The following DPY19L4 variants were observed in gnomAD, a reference collection of about 807,000 sequenced individuals.
DPY19L4 encodes the protein probable C-mannosyltransferase DPY19L4.
DPY19L4 carries 97 observed loss-of-function variants against 102.8 expected under a neutral mutation model. That is an observed-to-expected ratio of 0.94 (90% CI 0.80 to 1.12). The LOEUF is 1.12. Ranked by LOEUF, DPY19L4 falls within the 50% of genes most tolerant of loss-of-function variation. The pLI is 0.00. For synonymous variants in DPY19L4, 252 were observed against 283.1 expected, an observed-to-expected ratio of 0.89 and a Z score of 1.10; for missense variants, 815 against 850.4, an observed-to-expected ratio of 0.96 and a Z score of 0.52.
intron 3 of DPY19L4, among the ~76,000 whole-genome samples, chr8:94,737,622 A>C (rs934092439): frequency 1.3e-5 from 2 of 151,840 alleles, no homozygotes; most frequent in African/African-American, 4.8e-5. Context: ...TCTCTACTAA[A>C]AACACAAAAA....
intron 6 of DPY19L4, among the ~76,000 whole-genome samples, chr8:94,741,909 C>T (rs1811462311): frequency 6.6e-6 from 1 of 152,206 alleles, no homozygotes. Flanking sequence ...AAAATCCAGT[C>T]TGGCAACTAG....
At chr8:94,725,026 G>A (rs1000953131) in intron 1 of DPY19L4, among the ~76,000 whole-genome samples, 1 of 151,402 alleles carries the variant, frequency 6.6e-6, no homozygotes, top group African/African-American at 2.4e-5. Context: ...TTATCACTAT[G>A]CCAGTGTTTA....
At chr8:94,773,787 G>A (rs556247402) in intron 13 of DPY19L4, among the ~76,000 whole-genome samples, 90 of 148,864 alleles carry the variant, frequency 6.0e-4, no homozygotes, top group African/African-American at 2.1e-3. Context: ...TATAATCCCA[G>A]CAATTTGGGA....
chr8:94,783,848 T>C (rs755514144), intron 17 of DPY19L4, 46 bp downstream of exon 17: 2 of 1,605,624 alleles, frequency 1.2e-6, no homozygotes, highest in East Asian at 4.5e-5. Context: ...TCCAGCACTT[T>C]GTATTTTAGC....
intron 14 of DPY19L4, among the ~76,000 whole-genome samples, 186 bp downstream of exon 14, chr8:94,777,972 T>C (rs1484456366): frequency 6.6e-6 from 1 of 152,214 alleles, no homozygotes; most frequent in Non-Finnish European, 1.5e-5. Context: ...GGCTCACGCT[T>C]GTAATCCAAG....
At chr8:94,756,567 C>T (rs577449168) in intron 7 of DPY19L4, among the ~76,000 whole-genome samples, 2 of 152,244 alleles carry the variant, frequency 1.3e-5, no homozygotes, top group South Asian at 4.1e-4. Flanking sequence ...GGCAGCACTG[C>T]GTATTCTGTT....
intron 13 of DPY19L4, among the ~76,000 whole-genome samples, chr8:94,771,291 T>C (rs1262173638): frequency 6.6e-6 from 1 of 152,252 alleles, no homozygotes; most frequent in Non-Finnish European, 1.5e-5. Context: ...ACTCAAAACC[T>C]ATAAACTTTC....
Position 94,740,771 on chromosome 8 carries a change from T to A in DPY19L4, c.611+981T>A, listed in dbSNP as rs75621385. 3.0e-3 allele frequency among the ~76,000 whole-genome samples: 457 copies of A among 152,278 alleles called. 8 individuals carry two copies. The highest frequency in any genetic ancestry group is 0.02 in the Admixed American group (311 of 15,288). ...CGCCCGGCTGCAATACTGTTTTTTT[T>A]ATGCTGCTTTCTCTATTCAACTGTC... On this transcript the variant is annotated intron_variant, in intron 6 of 18. Coordinates refer to ENST00000414645, the MANE Select transcript of DPY19L4 (RefSeq NM_181787.3).
chr8:94,778,575 T>C (rs1813289544), intron 14 of DPY19L4, among the ~76,000 whole-genome samples: 1 of 152,150 alleles, frequency 6.6e-6, no homozygotes, highest in African/African-American at 2.4e-5. Context: ...TCTTCCTTCT[T>C]TCCCTGTCCT....
chr8:94,727,010 G>A (rs991321423), intron 2 of DPY19L4, among the ~76,000 whole-genome samples: 2 of 152,158 alleles, frequency 1.3e-5, no homozygotes, highest in Admixed American at 6.5e-5. Flanking sequence ...TCCCACACCC[G>A]AAAACTCTCT....
intron 14 of DPY19L4, among the ~76,000 whole-genome samples, chr8:94,779,120 A>C (rs916424803): frequency 3.3e-5 from 5 of 152,102 alleles, no homozygotes; most frequent in Non-Finnish European, 5.9e-5. Context: ...AGTGGCTAGA[A>C]GTAATTGAAG....
chr8:94,749,758 A>G (rs1342049639), intron 6 of DPY19L4, among the ~76,000 whole-genome samples: 1 of 152,210 alleles, frequency 6.6e-6, no homozygotes, highest in Admixed American at 6.5e-5. Context: ...AGGGAATGAT[A>G]AACCCTTTAT....
At chr8:94,739,048 T>C (rs1458015703) in intron 4 of DPY19L4, among the ~76,000 whole-genome samples, 1 of 152,202 alleles carries the variant, frequency 6.6e-6, no homozygotes, top group Non-Finnish European at 1.5e-5. Flanking sequence ...TTTGAAAATA[T>C]ACACTAAATT....
chr8:94,763,964 G>A (rs983671993), intron 8 of DPY19L4, among the ~76,000 whole-genome samples: 2 of 152,076 alleles, frequency 1.3e-5, no homozygotes, highest in Admixed American at 6.6e-5. Context: ...GTGAGCCACC[G>A]AGTCTGGCCT....
At chr8:94,785,802 G>T (rs1271438133) in intron 17 of DPY19L4, among the ~76,000 whole-genome samples, 4 of 152,182 alleles carry the variant, frequency 2.6e-5, no homozygotes. Flanking sequence ...TGCTTAGGCA[G>T]AATATAGACA....
At chr8:94,740,603 C>T (rs758593139) in intron 6 of DPY19L4, among the ~76,000 whole-genome samples, 1 of 152,002 alleles carries the variant, frequency 6.6e-6, no homozygotes, top group Non-Finnish European at 1.5e-5. Flanking sequence ...TACAGGCGCC[C>T]GCCACCAAAC....
chr8:94,758,126 T>G (rs1812244888), intron 7 of DPY19L4, among the ~76,000 whole-genome samples: 1 of 151,410 alleles, frequency 6.6e-6, no homozygotes, highest in African/African-American at 2.4e-5. Flanking sequence ...AAAAATAGAG[T>G]TTGGTATAGC....
intron 9 of DPY19L4, 113 bp from the exon 10 acceptor site, chr8:94,765,598 A>G: frequency 1.2e-6 from 1 of 866,226 alleles, no homozygotes; most frequent in Non-Finnish European, 1.8e-6. Flanking sequence ...GGTCTCCCAA[A>G]GTGCTGGGAT....
rs561451469 is a variant in DPY19L4 at position 94,725,358 on chromosome 8, A to G, written c.17-973A>G. Among the ~76,000 whole-genome samples the G allele has an allele frequency of 3.9e-5, 6 of 152,358 alleles. No individual in the cohort carries two copies. The South Asian group carries it at 6.2e-4, about 16-fold the overall frequency. ...TCTAGGGAGGAAAAGTATAAATTGT[A>G]TATAGTACATTCCTGTTCATCTTGG... On this transcript the variant is annotated intron_variant, in intron 1 of 18. Coordinates refer to ENST00000414645, the MANE Select transcript of DPY19L4 (RefSeq NM_181787.3).
Sources: gnomAD v4.1 joint callset for allele counts (sites outside exome capture counted in the v4.1 genomes callset) on GRCh38, gnomAD v4.1.1 for gene constraint, MANE v1.5 for transcripts, NCBI Gene and HGNC (gene_info 2026-07-23, HGNC 2026-07-21) for gene names.